Variants in HCN2 observed in about 807,000 individuals in gnomAD.
The protein encoded by HCN2 is hyperpolarization activated cyclic nucleotide gated potassium and sodium channel 2.
HCN2 carries 20 observed loss-of-function variants against 52.3 expected under a neutral mutation model. The ratio of observed to expected loss-of-function variants is 0.38; its 90% confidence interval spans 0.27 to 0.56. The LOEUF (loss-of-function observed/expected upper bound fraction) is 0.56. Ranked by LOEUF, HCN2 falls within the 20% of genes least tolerant of loss-of-function variation. HCN2 has a pLI of 0.71. For synonymous variants in HCN2, 694 were observed against 537.0 expected (o/e 1.29, Z -4.04); for missense variants, 981 against 1,207.7 (o/e 0.81, Z 2.78).
intron 6 of HCN2, 137 bp from the exon 7 acceptor site, chr19:613,715 C>CAT: frequency 1.1e-6 from 1 of 909,798 alleles, no homozygotes; most frequent in Non-Finnish European, 1.5e-6. Context: ...GGGGATGGGG[C>CAT]CGGGGCCGGC....
At chr19:594,377 C>T (rs1982962037) in intron 1 of HCN2, among the ~76,000 whole-genome samples, 1 of 151,732 alleles carries the variant, frequency 6.6e-6, no homozygotes. Context: ...GCTAAGTGCC[C>T]TGTGGCCGCC....
In HCN2 at chr19:590,093, G is replaced by T; in HGVS notation, c.148G>T (p.Ala50Ser). 3 of 691,886 alleles carry T rather than the reference G, an allele frequency of 4.3e-6. No homozygotes were observed. Among genetic ancestry groups the T allele is most frequent in the South Asian group, 6.3e-5 (1 of 15,868 alleles). 42.9% of individuals were successfully genotyped at this position (691,886 alleles called of 1,614,324 possible). Residue 50 changes from alanine (A) to serine (S), a missense_variant, in exon 1 of 8, where the codon GCG becomes TCG. Physicochemically the swap from Ala to Ser is moderately conservative, Grantham distance 99. This residue lies in a region of HCN2 where 215 missense variants were observed against 179.4 expected (regional missense o/e 1.20). Coordinates refer to ENST00000251287, the MANE Select transcript of HCN2 (RefSeq NM_001194.4). The surrounding 1 kb of genome is among the most constrained non-coding windows in gnomAD (Gnocchi z 7.2). ...CGCGCCCCCCCCGGGCCCCGGGCCC[G>T]CGCCCCCCCAGCACCCGCCCCGGGC... ...PPAPPPGPGP[A>S]PPQHPPRAEA...
rs146934080 is a variant in HCN2, at chr19:604,646, G to A, written c.1057-415G>A. Among the ~76,000 whole-genome samples the A allele has an allele frequency of 2.0e-3, 280 of 143,260 alleles. 20 individuals carry two copies. In the East Asian group the frequency reaches 0.057, roughly 29 times the overall value. 94.0% of individuals were successfully genotyped at this position (143,260 alleles called of 152,430 possible). Reference sequence around the variant, plus strand: ...CTGGGCGGGGTCAGGCAGCAAGGGCGGGACTATGAGGGTTGTGCTGGGCGG... The same window carrying A: ...CTGGGCGGGGTCAGGCAGCAAGGGCAGGACTATGAGGGTTGTGCTGGGCGG... On this transcript the variant is annotated intron_variant, in intron 2 of 7. Transcript: ENST00000251287.
Position 603,869 on chromosome 19 carries a change from G to A in HCN2, c.958G>A (p.Ala320Thr). ...KGIDSEVYKT[A>T]RALRIVRFTK... ...CATTGACTCCGAGGTCTACAAGACG[G>A]CACGCGCCCTGCGCATCGTGCGCTT... Residue 320 changes from alanine to threonine, a missense_variant, in exon 2 of 8, where the codon GCA becomes ACA. Coordinates refer to ENST00000251287, the MANE Select transcript of HCN2 (RefSeq NM_001194.4). 1 of 1,612,492 alleles carries A rather than the reference G, an allele frequency of 6.2e-7. No individual in the cohort carries two copies. The highest frequency in any genetic ancestry group is 1.1e-5 in the South Asian group (1 of 91,072).
chr19:614,200 G>A (rs1241680602), intron 7 of HCN2, among the ~76,000 whole-genome samples, 184 bp downstream of exon 7: 1 of 152,178 alleles, frequency 6.6e-6, no homozygotes, highest in Non-Finnish European at 1.5e-5. Flanking sequence ...GGGCGTGGCT[G>A]GGGCAGGGGC....
chr19:600,595 T>G (rs1983172071), intron 1 of HCN2, among the ~76,000 whole-genome samples: 1 of 151,862 alleles, frequency 6.6e-6, no homozygotes, highest in African/African-American at 2.4e-5. Context: ...TGCGACCACC[T>G]TTGCCTCCCA....
At position 605,293 on chromosome 19, in the gene HCN2, A is replaced by G. The variant is rs536670598; in HGVS notation, c.1218+71A>G. On this transcript the variant is annotated intron_variant, in intron 3 of 7. Coordinates refer to ENST00000251287, the MANE Select transcript of HCN2 (RefSeq NM_001194.4). ...ACAGAGGGGGGACCCAGGCCCCCTT[A>G]TCCCGCTTACAGAGGGTTGAACCCA... is the stretch of plus-strand genomic sequence containing the variant. 6.1e-5 allele frequency: 88 copies of G among 1,438,054 alleles called. 1 individual carries two copies. In the African/African-American group the frequency reaches 1.0e-3, roughly 16 times the overall value. The allele number at this position is 1,438,054 out of a possible 1,614,324, so 89.1% of individuals were successfully genotyped here.
chr19:597,824 T>A (rs532560725), intron 1 of HCN2, among the ~76,000 whole-genome samples: 25 of 151,958 alleles, frequency 1.6e-4, no homozygotes, highest in Admixed American at 7.9e-4. Context: ...CTTGGCAGTT[T>A]CTAGGTCCTC....
intron 2 of HCN2, among the ~76,000 whole-genome samples, chr19:604,812 G>C (rs1600526779): frequency 1.2e-5 from 1 of 85,956 alleles, no homozygotes; most frequent in African/African-American, 5.5e-5. Context: ...CCTAGGGCGG[G>C]GGCTGTGGAT....
intron 1 of HCN2, among the ~76,000 whole-genome samples, chr19:596,558 G>T (rs1983037043): frequency 6.6e-6 from 1 of 152,226 alleles, no homozygotes; most frequent in African/African-American, 2.4e-5. Context: ...TTACCTGTCG[G>T]GGATGGGTTT....
chr19:598,584 G>A (rs1007025239), intron 1 of HCN2, among the ~76,000 whole-genome samples: 1 of 151,898 alleles, frequency 6.6e-6, no homozygotes, highest in African/African-American at 2.4e-5. Flanking sequence ...GGCATTAGAA[G>A]CATGAGCCCC....
chr19:604,010 C>T (rs751789521), intron 2 of HCN2, 43 bp downstream of exon 2: 170 of 1,315,222 alleles, frequency 1.3e-4, no homozygotes, highest in Admixed American at 3.7e-4. Context: ...AGGGGCGGGG[C>T]TATAATGGTG....
Position 616,475 on chromosome 19 carries a change from C to G in HCN2, c.*1C>G. On this transcript the variant is annotated 3_prime_UTR_variant, in exon 8 of 8. Transcript: ENST00000251287. ...CTCGCGCCTCTCGTCCAACTTGTGA[C>G]CCTCGCCGACCGCCCCGCGGGCCCA... The G allele has an allele frequency of 8.2e-7, 1 of 1,221,420 alleles. No homozygotes were observed. Among genetic ancestry groups the G allele is most frequent in the Non-Finnish European group, 1.0e-6 (1 of 978,718 alleles). 75.7% of individuals were successfully genotyped at this position (1,221,420 alleles called of 1,614,324 possible). A position where few individuals can be genotyped will look rare whatever the true frequency, so the allele number is the denominator to read the frequency against.
At chr19:613,217 C>G (rs1030518292) in intron 5 of HCN2, 31 bp from the exon 6 acceptor site, 3 of 1,587,062 alleles carry the variant, frequency 1.9e-6, no homozygotes, top group Non-Finnish European at 2.6e-6. Context: ...GTGGGGTCCG[C>G]AGCGGACCCA....
intron 2 of HCN2, among the ~76,000 whole-genome samples, chr19:604,630 G>A (rs11666354): frequency 0.25 from 24,217 of 97,842 alleles, 3,114 homozygotes; most frequent in Admixed American, 0.34. Flanking sequence ...GCTGGGCGGG[G>A]TCAGGCAGCA....
intron 6 of HCN2, 137 bp downstream of exon 6, chr19:613,625 ATGGGGATGGGG>A (rs1983753413): frequency 2.3e-5 from 1 of 43,418 alleles, no homozygotes; most frequent in African/African-American, 1.8e-4. Flanking sequence ...GGGGATGGGG[ATGGGGATGGGG>A]CCGGGGATGG....
At position 616,855 on chromosome 19, in the gene HCN2, CGTTTTCTAA is replaced by C. The variant is rs1983971997; in HGVS notation, c.*384_*392del. ...TAGGTGGCCCCCGTCCGAGGAGGAT[CGTTTTCTAA>C]GTGCAATACTTGGCCCGCCGGCTTC... On this transcript the variant is annotated 3_prime_UTR_variant, in exon 8 of 8. Transcript: ENST00000251287. 1 of 184,036 alleles carries C rather than the reference CGTTTTCTAA, an allele frequency of 5.4e-6. No homozygotes were observed. Among genetic ancestry groups the C allele is most frequent in the African/African-American group, 2.5e-5 (1 of 40,630 alleles). 11.4% of individuals were successfully genotyped at this position (184,036 alleles called of 1,614,324 possible). A position where few individuals can be genotyped will look rare whatever the true frequency, so the allele number is the denominator to read the frequency against.
chr19:590,548 C>T lies in HCN2; in HGVS notation c.603C>T (p.Ala201=), dbSNP rs1982838249. 7 of 1,501,250 alleles carry T rather than the reference C, an allele frequency of 4.7e-6. No individual in the cohort carries two copies. The highest frequency in any genetic ancestry group is 2.0e-5 in the Admixed American group (1 of 51,226). 93.0% of individuals were successfully genotyped at this position (1,501,250 alleles called of 1,614,324 possible). ...AGGAGCGCGTCAAGTCGGCGGGGGC[C>T]TGGATCATCCACCCGTACAGCGACT... ...REQERVKSAG[A]WIIHPYSDFR... Residue 201 remains alanine (A), a synonymous_variant, in exon 1 of 8, where the codon GCC becomes GCT. Transcript: ENST00000251287. The surrounding 1 kb of genome is among the most constrained non-coding windows in gnomAD (Gnocchi z 7.2).
chr19:599,623 CAA>C (rs78398568), intron 1 of HCN2, among the ~76,000 whole-genome samples: 3 of 127,572 alleles, frequency 2.4e-5, no homozygotes, highest in Non-Finnish European at 1.7e-5. Flanking sequence ...ACTAAAAATA[CAA>C]AAAAAAAAAA....
Sources: allele counts gnomAD v4.1 joint callset (sites outside exome capture counted in the v4.1 genomes callset), GRCh38; gene constraint gnomAD v4.1.1; regional missense constraint gnomAD v4.1.1; non-coding constraint Gnocchi (gnomAD v3.1); transcripts MANE v1.5; gene names NCBI Gene and HGNC (gene_info 2026-07-23, HGNC 2026-07-21).